KIF26B: variants seen among roughly 807,000 people sequenced by gnomAD.
KIF26B encodes kinesin-like protein KIF26B.
Under a neutral mutation model 151.2 loss-of-function variants are expected in KIF26B, and 63 were observed. The observed-to-expected ratio is 0.42, with a 90% CI of 0.34 to 0.51. The LOEUF is 0.51. Among genes scored for constraint, KIF26B ranks in the 20% least tolerant of loss-of-function variants. The pLI, the probability that KIF26B is intolerant of heterozygous loss-of-function variation, is 0.07. For synonymous variants in KIF26B, 1,357 were observed against 1,262.1 expected, an observed-to-expected ratio of 1.08 and a Z score of -1.59; for missense variants, 2,813 against 2,913.6, an observed-to-expected ratio of 0.97 and a Z score of 0.79.
chr1:245,561,527 G>A (rs964352232), intron 5 of KIF26B, among the ~76,000 whole-genome samples: 7 of 152,172 alleles, frequency 4.6e-5, no homozygotes, highest in African/African-American at 1.4e-4. Context: ...CTAGGGCTGG[G>A]TACTGAGTAC....
chr1:245,168,340 C>T (rs1308513831), intron 2 of KIF26B, among the ~76,000 whole-genome samples: 2 of 152,194 alleles, frequency 1.3e-5, no homozygotes, highest in Non-Finnish European at 2.9e-5. Context: ...GTAGCGCCGT[C>T]GTTGCTGATG....
intron 4 of KIF26B, among the ~76,000 whole-genome samples, chr1:245,438,579 C>G (rs1302189719): frequency 1.3e-5 from 2 of 152,042 alleles, no homozygotes. Context: ...TTGTTCACGT[C>G]GAGACTTGCC....
intron 4 of KIF26B, among the ~76,000 whole-genome samples, chr1:245,423,345 C>T (rs1401119314): frequency 2.0e-5 from 3 of 152,118 alleles, no homozygotes; most frequent in African/African-American, 7.2e-5. Flanking sequence ...GAAGATGGTT[C>T]CCTGAGTTAC....
chr1:245,237,750 A>C (rs959993119), intron 2 of KIF26B, among the ~76,000 whole-genome samples: 1 of 152,176 alleles, frequency 6.6e-6, no homozygotes, highest in Non-Finnish European at 1.5e-5. Context: ...AGCTGGGTGC[A>C]GTGTTCCACA....
At chr1:245,570,786 C>A (rs980071151) in intron 5 of KIF26B, among the ~76,000 whole-genome samples, 1 of 152,134 alleles carries the variant, frequency 6.6e-6, no homozygotes, top group African/African-American at 2.4e-5. Context: ...AACATAAGGT[C>A]GCAAAAGTCA....
intron 2 of KIF26B, among the ~76,000 whole-genome samples, chr1:245,364,299 A>G (rs1462757549): frequency 6.6e-6 from 1 of 152,052 alleles, no homozygotes; most frequent in Non-Finnish European, 1.5e-5. Flanking sequence ...AGAGCCAGGG[A>G]TGGCTCATGC....
At chr1:245,442,757 A>AGAG (rs1659140454) in intron 4 of KIF26B, among the ~76,000 whole-genome samples, 3 of 110,702 alleles carry the variant, frequency 2.7e-5, no homozygotes, top group Non-Finnish European at 3.7e-5. Flanking sequence ...CTGTTCACCT[A>AGAG]CAGCGGTCAT....
intron 3 of KIF26B, among the ~76,000 whole-genome samples, chr1:245,416,762 G>A (rs1674430395): frequency 6.6e-6 from 1 of 152,202 alleles, no homozygotes. Flanking sequence ...CTTGCCCGAG[G>A]CTGGAGCCCT....
At chr1:245,440,081 C>T (rs1439658596) in intron 4 of KIF26B, among the ~76,000 whole-genome samples, 2 of 152,010 alleles carry the variant, frequency 1.3e-5, no homozygotes, top group East Asian at 1.9e-4. Flanking sequence ...ATTAGCCGGG[C>T]GTGGTGGCGG....
intron 5 of KIF26B, among the ~76,000 whole-genome samples, chr1:245,582,958 C>T (rs1572140574): frequency 6.6e-6 from 1 of 152,082 alleles, no homozygotes; most frequent in East Asian, 1.9e-4. Flanking sequence ...ACAACTCCAT[C>T]CCCCACTCTC....
At chr1:245,209,663 G>C (rs976249290) in intron 2 of KIF26B, among the ~76,000 whole-genome samples, 10 of 152,160 alleles carry the variant, frequency 6.6e-5, no homozygotes, top group Non-Finnish European at 1.5e-4. Flanking sequence ...TGGAGGTTGA[G>C]CATTTCAGGG....
intron 2 of KIF26B, among the ~76,000 whole-genome samples, chr1:245,233,354 CA>C (rs1199950141): frequency 6.6e-6 from 1 of 152,156 alleles, no homozygotes; most frequent in Non-Finnish European, 1.5e-5. Context: ...TTAGGCATGG[CA>C]AAACTTTATG....
chr1:245,678,556 G>C (rs1168354373), intron 10 of KIF26B, among the ~76,000 whole-genome samples: 3 of 151,826 alleles, frequency 2.0e-5, no homozygotes, highest in African/African-American at 7.3e-5. Flanking sequence ...TTCAACCAAG[G>C]TATTACTGTA....
chr1:245,199,817 A>G (rs945241324), intron 2 of KIF26B, among the ~76,000 whole-genome samples: 3 of 16,166 alleles, frequency 1.9e-4, no homozygotes, highest in African/African-American at 3.4e-4. Context: ...CCATCTGTCC[A>G]TCCATCCATC....
At chr1:245,665,592 T>G (rs569332150) in intron 10 of KIF26B, among the ~76,000 whole-genome samples, 2 of 152,384 alleles carry the variant, frequency 1.3e-5, no homozygotes, top group South Asian at 4.1e-4. Flanking sequence ...AACTATAGCT[T>G]GTGCTTCTCT....
chr1:245,661,211 C>T (rs2044133867), intron 10 of KIF26B, among the ~76,000 whole-genome samples: 1 of 151,966 alleles, frequency 6.6e-6, no homozygotes, highest in Non-Finnish European at 1.5e-5. Context: ...TCTCAAACTC[C>T]TGGCCTCCAG....
chr1:245,676,827 C>G (rs2044362237), intron 10 of KIF26B, among the ~76,000 whole-genome samples: 1 of 152,208 alleles, frequency 6.6e-6, no homozygotes, highest in South Asian at 2.1e-4. Flanking sequence ...CACGTCTCCT[C>G]CTGGAAACAA....
chr1:245,240,528 G>A (rs1670196663), intron 2 of KIF26B, among the ~76,000 whole-genome samples: 1 of 152,156 alleles, frequency 6.6e-6, no homozygotes, highest in Admixed American at 6.6e-5. Flanking sequence ...TGTATAGAAT[G>A]TGGAGAAATA....
intron 11 of KIF26B, among the ~76,000 whole-genome samples, chr1:245,684,809 A>G (rs2044488294): frequency 6.6e-6 from 1 of 152,320 alleles, no homozygotes; most frequent in South Asian, 2.1e-4. Flanking sequence ...CCCTGCTCTC[A>G]GGGCCCCTCC....
Sources: gnomAD v4.1 joint callset for allele counts (sites outside exome capture counted in the v4.1 genomes callset) on GRCh38, gnomAD v4.1.1 for gene constraint, MANE v1.5 for transcripts, NCBI Gene and HGNC (gene_info 2026-07-23, HGNC 2026-07-21) for gene names.